DYNC2H1: variants seen among roughly 807,000 people sequenced by gnomAD.
DYNC2H1 encodes the protein cytoplasmic dynein 2 heavy chain 1.
DYNC2H1 carries 410 observed loss-of-function variants against 570.0 expected under a neutral mutation model. The ratio of observed to expected loss-of-function variants is 0.72; its 90% confidence interval spans 0.66 to 0.78. The LOEUF (loss-of-function observed/expected upper bound fraction) is 0.78. DYNC2H1 is among the 30% of genes least tolerant of loss of function. The pLI is 0.00. For synonymous variants in DYNC2H1, 1,688 were observed against 1,677.6 expected, an observed-to-expected ratio of 1.01 and a Z score of -0.15; for missense variants, 4,865 against 5,046.4, an observed-to-expected ratio of 0.96 and a Z score of 1.09.
rs1043262932 is a variant in DYNC2H1, at chr11:103,156,616, G to A, written c.3973G>A (p.Val1325Ile). ...TTATTATAAAGGATTTGAAGATAAA[G>A]TATCAATTTGGGAAAGAAAACTTGC... is the stretch of plus-strand genomic sequence containing the variant. ...SPYYKGFEDK[V>I]SIWERKLAEL... The change falls in exon 26 of 89, where the codon GTA (valine) becomes ATA (isoleucine). Residue 1325 changes from valine to isoleucine, a missense_variant. Val to Ile is a conservative substitution (Grantham distance 29). Around this residue, in one of 5 missense-constraint regions of DYNC2H1, gnomAD observed 1,936 missense variants for 1,962.1 expected, o/e 0.99. Transcript: ENST00000375735. 2 of 1,613,526 alleles carry A rather than the reference G, an allele frequency of 1.2e-6. No individual in the cohort carries two copies. Among genetic ancestry groups the A allele is most frequent in the African/African-American group, 1.3e-5 (1 of 74,920 alleles).
At chr11:103,215,938 C>A in intron 55 of DYNC2H1, 80 bp downstream of exon 55, 1 of 1,486,838 alleles carries the variant, frequency 6.7e-7, no homozygotes, top group Non-Finnish European at 9.0e-7. Flanking sequence ...ATAACATTTT[C>A]ACTTAGGTGG....
rs916705943 is a variant in DYNC2H1, at chr11:103,324,845, C to G, written c.12039+855C>G. Among the ~76,000 whole-genome samples, 2 of 152,142 alleles carry G rather than the reference C, an allele frequency of 1.3e-5. No homozygotes were observed. The highest frequency in any genetic ancestry group is 2.9e-5 in the Non-Finnish European group (2 of 68,014). On this transcript the variant is annotated intron_variant, in intron 82 of 88. Coordinates refer to ENST00000375735, the MANE Select transcript of DYNC2H1 (RefSeq NM_001377.3). This position sits in a 1 kb window ranked among gnomAD's most constrained non-coding sequence, Gnocchi z 5.2. ...TTCCCACCAGTGGTGTGTAAGCATT[C>G]CCTTTTCTCTGCAACCTTGCCAGCA...
chr11:103,365,197 A>T (rs1940847109), intron 83 of DYNC2H1, among the ~76,000 whole-genome samples: 1 of 152,002 alleles, frequency 6.6e-6, no homozygotes, highest in South Asian at 2.1e-4. Context: ...CCCTGTCTCT[A>T]CTGAAAATAC....
chr11:103,200,214 A>T (rs924985166), intron 50 of DYNC2H1, 60 bp downstream of exon 50: 23 of 1,267,096 alleles, frequency 1.8e-5, no homozygotes, highest in Non-Finnish European at 2.4e-5. Context: ...TTATCCAAGT[A>T]AAATTATCTT....
rs556157368 is a variant in DYNC2H1 at position 103,402,072 on chromosome 11, G to A, written c.12366+2200G>A. ...ATTCTGAGATTTATAGGAGGGTGAA[G>A]TAAATACCTAAAGTAATAATGTTGG... On this transcript the variant is annotated intron_variant, in intron 84 of 88. Coordinates refer to ENST00000375735, the MANE Select transcript of DYNC2H1 (RefSeq NM_001377.3). The A allele has an allele frequency of 7.2e-5, 11 of 152,238 alleles. No individual in the cohort carries two copies. The South Asian group carries it at 1.9e-3, about 26-fold the overall frequency. 9.4% of individuals were successfully genotyped at this position (152,238 alleles called of 1,614,324 possible). A position where few individuals can be genotyped will look rare whatever the true frequency, so the allele number is the denominator to read the frequency against.
At chr11:103,220,053 C>T (rs1164215102) in intron 56 of DYNC2H1, 25 bp downstream of exon 56, 1 of 1,288,760 alleles carries the variant, frequency 7.8e-7, no homozygotes, top group African/African-American at 1.6e-5. Context: ...ATTCTAAGAT[C>T]CATTTACATT....
intron 70 of DYNC2H1, among the ~76,000 whole-genome samples, chr11:103,278,987 G>A (rs905720760): frequency 1.1e-4 from 17 of 152,236 alleles, no homozygotes; most frequent in African/African-American, 4.1e-4. Context: ...GTCTCATGGA[G>A]AGTAGAGTTA....
At position 103,152,221 on chromosome 11, in the gene DYNC2H1, T is replaced by C. The variant is rs775309436; in HGVS notation, c.3032T>C (p.Leu1011Ser). The C allele has an allele frequency of 6.2e-7, 1 of 1,609,936 alleles. No individual in the cohort carries two copies. The highest frequency in any genetic ancestry group is 1.1e-5 in the South Asian group (1 of 89,672). The change falls in exon 21 of 89, where the codon TTG becomes TCG. Residue 1011 changes from leucine to serine, a missense_variant. Leu to Ser is a moderately radical substitution (Grantham distance 145). This residue lies in a region of DYNC2H1 where 1,936 missense variants were observed against 1,962.1 expected (regional missense o/e 0.99). Transcript: ENST00000375735. The part of the protein sequence containing the change: ...AGGGLETISN[L>S]KAKWDKFELM... ...GGAGGTTTAGAAACAATTAGTAATT[T>C]GAAAGCCAAGTGGGATAAATTTGAG...
Position 103,436,098 on chromosome 11 carries a change from A to G in DYNC2H1, c.12456+66A>G, listed in dbSNP as rs1944050713. 6 of 1,375,876 alleles carry G rather than the reference A, an allele frequency of 4.4e-6. No individual in the cohort carries two copies. The Admixed American group carries it at 9.3e-5, about 21-fold the overall frequency. 85.2% of individuals were successfully genotyped at this position (1,375,876 alleles called of 1,614,324 possible). On this transcript the variant is annotated intron_variant, in intron 85 of 88. Coordinates refer to ENST00000375735, the MANE Select transcript of DYNC2H1 (RefSeq NM_001377.3). ...TGACTATTGTATTATAGAGATAACC[A>G]TTGTGCTAATCACTAGTGAGAATTA...
rs1945670756 is a variant in DYNC2H1, at chr11:103,479,299, T to C, written c.*46T>C. ...CATCTTCACAAAAGGGAACATTGAT[T>C]CTTTAAGCTTTAAATCAAACATGTG... On this transcript the variant is annotated 3_prime_UTR_variant, in exon 89 of 89. Transcript: ENST00000375735. 3 of 1,573,072 alleles carry C rather than the reference T, an allele frequency of 1.9e-6. No individual in the cohort carries two copies. Among genetic ancestry groups the C allele is most frequent in the Non-Finnish European group, 2.6e-6 (3 of 1,157,740 alleles).
intron 84 of DYNC2H1, among the ~76,000 whole-genome samples, chr11:103,401,833 T>C (rs1942656711): frequency 6.6e-6 from 1 of 152,132 alleles, no homozygotes; most frequent in Admixed American, 6.6e-5. Flanking sequence ...TCTGGTATCA[T>C]TGTACAAAAT....
At chr11:103,132,295 A>G (rs1859319828) in intron 13 of DYNC2H1, among the ~76,000 whole-genome samples, 1 of 152,008 alleles carries the variant, frequency 6.6e-6, no homozygotes, top group Non-Finnish European at 1.5e-5. Flanking sequence ...AGCCAGTTTT[A>G]CATTTCTGTT....
chr11:103,230,871 T>TA (rs968594739), intron 59 of DYNC2H1, among the ~76,000 whole-genome samples: 3 of 152,046 alleles, frequency 2.0e-5, no homozygotes, highest in African/African-American at 7.2e-5. Flanking sequence ...CTCTGTCTCT[T>TA]AAAAAAAGAA....
In DYNC2H1 at chr11:103,324,463, A is replaced by T. The variant is rs1255498374; in HGVS notation, c.12039+473A>T. On this transcript the variant is annotated intron_variant, in intron 82 of 88. Coordinates refer to ENST00000375735, the MANE Select transcript of DYNC2H1 (RefSeq NM_001377.3). This position sits in a 1 kb window ranked among gnomAD's most constrained non-coding sequence, Gnocchi z 5.2. ...CTGTGTTAGTTTGCTTATGAAAATG[A>T]TCTCCAGCTCCATCCATCCTTGCTG... Among the ~76,000 whole-genome samples, 3 of 152,158 alleles carry T rather than the reference A, an allele frequency of 2.0e-5. No individual in the cohort carries two copies. Among genetic ancestry groups the T allele is most frequent in the Non-Finnish European group, 2.9e-5 (2 of 68,018 alleles).
chr11:103,393,485 T>G (rs1942260189), intron 83 of DYNC2H1, among the ~76,000 whole-genome samples: 1 of 152,210 alleles, frequency 6.6e-6, no homozygotes, highest in Non-Finnish European at 1.5e-5. Flanking sequence ...ACTTCAAAAA[T>G]TATTTGCTTT....
rs1383760016 is a variant in DYNC2H1 at position 103,201,116 on chromosome 11, C to T, written c.8197+962C>T. Among the ~76,000 whole-genome samples the T allele has an allele frequency of 2.0e-5, 3 of 151,958 alleles. No homozygotes were observed. Among genetic ancestry groups the T allele is most frequent in the South Asian group, 2.1e-4 (1 of 4,818 alleles). On this transcript the variant is annotated intron_variant, in intron 50 of 88. Transcript: ENST00000375735. This position sits in a 1 kb window ranked among gnomAD's most constrained non-coding sequence, Gnocchi z 4.8. ...TGCTGGGATTACAGATGTGAGCCAC[C>T]GCGTCTGGCCAGTAATCTTGTTTTT...
intron 85 of DYNC2H1, among the ~76,000 whole-genome samples, chr11:103,437,332 C>G (rs919815975): frequency 6.6e-6 from 1 of 152,100 alleles, no homozygotes; most frequent in African/African-American, 2.4e-5. Context: ...CTGTTCTCCT[C>G]TCTTTAGAGA....
intron 84 of DYNC2H1, chr11:103,405,416 CAG>C (rs1395209207): frequency 1.3e-5 from 2 of 151,980 alleles, no homozygotes; most frequent in East Asian, 3.9e-4. Flanking sequence ...GTTATACCTA[CAG>C]AGTTTCCTGC....
intron 63 of DYNC2H1, among the ~76,000 whole-genome samples, chr11:103,241,000 C>G (rs1359317864): frequency 6.6e-6 from 1 of 152,068 alleles, no homozygotes; most frequent in African/African-American, 2.4e-5. Context: ...TTTTTATTCC[C>G]CTCTATATCA....
Sources: gnomAD v4.1 joint callset for allele counts (sites outside exome capture counted in the v4.1 genomes callset) on GRCh38, gnomAD v4.1.1 for gene constraint, gnomAD v4.1.1 regional missense constraint, Gnocchi (gnomAD v3.1) non-coding constraint, MANE v1.5 for transcripts, NCBI Gene and HGNC (gene_info 2026-07-23, HGNC 2026-07-21) for gene names.